RFX7: variants seen among roughly 807,000 people sequenced by gnomAD.
RFX7 encodes regulatory factor X7.
Under a neutral mutation model 111.8 loss-of-function variants are expected in RFX7, and 26 were observed. That is an observed-to-expected ratio of 0.23 (90% CI 0.17 to 0.32). The LOEUF is 0.32. Among genes scored for constraint, RFX7 ranks in the 10% least tolerant of loss-of-function variants. The pLI, the probability that RFX7 is intolerant of heterozygous loss-of-function variation, is 1.00. For missense variants in RFX7, 1,573 were observed against 1,772.9 expected, an observed-to-expected ratio of 0.89 and a Z score of 2.02; for synonymous variants, 624 against 624.4, an observed-to-expected ratio of 1.00 and a Z score of 0.01.
chr15:56,095,871 T>G lies in RFX7; in HGVS notation c.1857A>C (p.Gln619His). The change falls in exon 10 of 10, where the codon CAA becomes CAC. Residue 619 changes from glutamine to histidine, a missense_variant. By Grantham distance (24) the Gln-to-His change is conservative. This residue lies in a region of RFX7 where 625 missense variants were observed against 632.2 expected (regional missense o/e 0.99). Coordinates refer to ENST00000559447, the MANE Select transcript of RFX7 (RefSeq NM_022841.7). ...AAGCAACTGATAGAGTGATAGTGCTTTGATTATTGCCTGTTGACGTGCCTG... is the reference window on the plus strand; with the variant it reads ...AAGCAACTGATAGAGTGATAGTGCTGTGATTATTGCCTGTTGACGTGCCTG... Reference protein sequence around the residue: ...MLPGTSTGNNQSTITLSVASQ... With the variant: ...MLPGTSTGNNHSTITLSVASQ... 2 of 1,606,116 alleles carry G rather than the reference T, an allele frequency of 1.2e-6. No individual in the cohort carries two copies. Among genetic ancestry groups the G allele is most frequent in the African/African-American group, 1.3e-5 (1 of 75,036 alleles).
chr15:56,121,427 C>T (rs1026532860), intron 5 of RFX7, among the ~76,000 whole-genome samples: 3 of 151,926 alleles, frequency 2.0e-5, no homozygotes, highest in Non-Finnish European at 4.4e-5. Context: ...TATCCTTTAC[C>T]TTTTTGTATA....
intron 2 of RFX7, among the ~76,000 whole-genome samples, chr15:56,209,217 A>G (rs72738668): frequency 0.13 from 19,718 of 151,924 alleles, 1,660 homozygotes; most frequent in East Asian, 0.44. Flanking sequence ...AGGAGCCAAG[A>G]TAAGAATTAT....
At chr15:56,179,204 T>C (rs1432190563) in intron 3 of RFX7, 66 bp downstream of exon 3, 3 of 739,358 alleles carry the variant, frequency 4.1e-6, no homozygotes, top group Non-Finnish European at 5.9e-6. Context: ...ACTTGAAAAC[T>C]GTATATTTTA....
At chr15:56,167,541 T>C (rs1239510040) in intron 3 of RFX7, among the ~76,000 whole-genome samples, 1 of 152,182 alleles carries the variant, frequency 6.6e-6, no homozygotes, top group East Asian at 1.9e-4. Context: ...TACAAGTGTA[T>C]TATGACATTA....
At chr15:56,242,498 T>A (rs907713852) in intron 2 of RFX7, among the ~76,000 whole-genome samples, 11 of 151,512 alleles carry the variant, frequency 7.3e-5, no homozygotes, top group East Asian at 1.9e-4. Context: ...TATTTTAATT[T>A]AAAAAAAAAC....
rs1479755879 is a variant in RFX7 at position 56,088,823 on chromosome 15, T to C, written c.*4522A>G. 2 of 151,522 alleles carry C rather than the reference T, an allele frequency of 1.3e-5. No homozygotes were observed. The highest frequency in any genetic ancestry group is 2.9e-5 in the Non-Finnish European group (2 of 68,028). The allele number at this position is 151,522 out of a possible 1,614,324, so 9.4% of individuals were successfully genotyped here. On this transcript the variant is annotated 3_prime_UTR_variant, in exon 10 of 10. Coordinates refer to ENST00000559447, the MANE Select transcript of RFX7 (RefSeq NM_022841.7). Reference sequence around the variant, plus strand: ...GGAAGGCAAGATACCAGTTAACAGTTAGCACCAGTAAACTTAGTTCGGCAG... The same window carrying C: ...GGAAGGCAAGATACCAGTTAACAGTCAGCACCAGTAAACTTAGTTCGGCAG...
chr15:56,162,952 A>C (rs2042740736), intron 3 of RFX7, among the ~76,000 whole-genome samples: 1 of 152,156 alleles, frequency 6.6e-6, no homozygotes, highest in Non-Finnish European at 1.5e-5. Context: ...TCTTACTAAC[A>C]GTAACTCCAG....
chr15:56,093,338 A>G lies in RFX7; in HGVS notation c.*7T>C. 6.3e-7 allele frequency: 1 copy of G among 1,594,908 alleles called. No individual in the cohort carries two copies. The highest frequency in any genetic ancestry group is 8.5e-7 in the Non-Finnish European group (1 of 1,170,794). On this transcript the variant is annotated 3_prime_UTR_variant, in exon 10 of 10. Coordinates refer to ENST00000559447, the MANE Select transcript of RFX7 (RefSeq NM_022841.7). The stretch of plus-strand genomic sequence containing the variant: ...GATACAGTGTGCTACATGTTATAAA[A>G]CACAATTTAACCCAACATTTCAACA...
At chr15:56,176,850 T>G (rs958270475) in intron 3 of RFX7, among the ~76,000 whole-genome samples, 4 of 152,094 alleles carry the variant, frequency 2.6e-5, no homozygotes, top group African/African-American at 9.7e-5. Flanking sequence ...CCTTGAATTA[T>G]CTACTGAACT....
chr15:56,141,656 A>ACTATATATATATATATATATAT (rs1555421058), intron 5 of RFX7, among the ~76,000 whole-genome samples: 1,080 of 82,926 alleles, frequency 0.013, 126 homozygotes, highest in African/African-American at 0.022. Flanking sequence ...GCTTACTCTA[A>ACTATATATATATATATATATAT]ATATATATAT....
At chr15:56,181,213 T>C (rs542876086) in intron 2 of RFX7, among the ~76,000 whole-genome samples, 10 of 152,244 alleles carry the variant, frequency 6.6e-5, no homozygotes, top group Non-Finnish European at 1.2e-4. Context: ...GCCTCCGTGA[T>C]AGCTCCGCGG....
chr15:56,172,851 GTT>G (rs2042860456), intron 3 of RFX7, among the ~76,000 whole-genome samples: 1 of 152,178 alleles, frequency 6.6e-6, no homozygotes, highest in South Asian at 2.1e-4. Flanking sequence ...TAAAATAGCT[GTT>G]AATAGACTTC....
chr15:56,144,119 A>G (rs1263989169), intron 4 of RFX7, among the ~76,000 whole-genome samples: 2 of 152,158 alleles, frequency 1.3e-5, no homozygotes, highest in Non-Finnish European at 2.9e-5. Context: ...AATTTTCACA[A>G]TCCCTCACAC....
intron 3 of RFX7, among the ~76,000 whole-genome samples, chr15:56,159,268 G>C (rs150928485): frequency 4.6e-5 from 7 of 152,278 alleles, no homozygotes; most frequent in African/African-American, 1.4e-4. Flanking sequence ...GGTCGCTTCT[G>C]TATCTTAGGT....
chr15:56,094,218 A>T lies in RFX7; in HGVS notation c.3510T>A (p.Ala1170=). 1 of 1,614,000 alleles carries T rather than the reference A, an allele frequency of 6.2e-7. No individual in the cohort carries two copies. The highest frequency in any genetic ancestry group is 8.5e-7 in the Non-Finnish European group (1 of 1,179,876). Residue 1170 remains alanine (A), a synonymous_variant, in exon 10 of 10, where the codon GCT becomes GCA. Coordinates refer to ENST00000559447, the MANE Select transcript of RFX7 (RefSeq NM_022841.7). ...SNFRCRSVSP[A]VHRQRNLSGS... is the part of the protein sequence containing the mutation. Reference sequence around the variant, plus strand: ...CACTAAGATTACGTTGGCGATGAACAGCAGGGCTCACACTCCGGCATCTGA... The same window carrying T: ...CACTAAGATTACGTTGGCGATGAACTGCAGGGCTCACACTCCGGCATCTGA...
intron 2 of RFX7, among the ~76,000 whole-genome samples, chr15:56,185,938 T>C (rs181825671): frequency 4.9e-4 from 74 of 152,298 alleles, no homozygotes; most frequent in African/African-American, 1.7e-3. Context: ...CAGAGGAGTC[T>C]CATATCCTGT....
chr15:56,098,315 C>G lies in RFX7; in HGVS notation c.873G>C (p.Gln291His). The G allele has an allele frequency of 4.3e-6, 7 of 1,613,312 alleles. No individual in the cohort carries two copies. The highest frequency in any genetic ancestry group is 5.9e-6 in the Non-Finnish European group (7 of 1,179,508). ...GAGATGGCAAAGTCTTCACCTGAGG[C>G]TGAAAGGAATTACTTTCAGCTGTAG... ...FIPTAESNSF[Q>H]PQVKTLPSPI... The change falls in exon 9 of 10, where the codon CAG (glutamine) becomes CAC (histidine). Residue 291 changes from glutamine (Q) to histidine (H), a missense_variant. Coordinates refer to ENST00000559447, the MANE Select transcript of RFX7 (RefSeq NM_022841.7).
At chr15:56,136,132 GT>G (rs1321460759) in intron 5 of RFX7, among the ~76,000 whole-genome samples, 2 of 152,022 alleles carry the variant, frequency 1.3e-5, no homozygotes, top group Admixed American at 6.6e-5. Flanking sequence ...CTTTAAAGTA[GT>G]TTTTTACAAT....
chr15:56,228,101 G>A (rs2043506318), intron 2 of RFX7, among the ~76,000 whole-genome samples: 1 of 151,782 alleles, frequency 6.6e-6, no homozygotes, highest in Admixed American at 6.6e-5. Flanking sequence ...TCCTCTGTAG[G>A]TACAGTGGTT....
Sources: allele counts gnomAD v4.1 joint callset (sites outside exome capture counted in the v4.1 genomes callset), GRCh38; gene constraint gnomAD v4.1.1; regional missense constraint gnomAD v4.1.1; transcripts MANE v1.5; gene names NCBI Gene and HGNC (gene_info 2026-07-23, HGNC 2026-07-21).